The following CDH2 variants were observed in gnomAD, a reference collection of about 807,000 sequenced individuals.
CDH2 encodes the protein cadherin 2.
CDH2 carries 17 observed loss-of-function variants against 92.0 expected under a neutral mutation model. That is an observed-to-expected ratio of 0.18 (90% CI 0.13 to 0.28). The LOEUF (loss-of-function observed/expected upper bound fraction) is 0.28. CDH2 is among the 10% of genes least tolerant of loss of function. CDH2 has a pLI of 1.00. For synonymous variants in CDH2, 419 were observed against 415.9 expected, an observed-to-expected ratio of 1.01 and a Z score of -0.09; for missense variants, 862 against 1,133.1, an observed-to-expected ratio of 0.76 and a Z score of 3.44.
At chr18:28,082,043 C>T (rs769270204) in intron 2 of CDH2, among the ~76,000 whole-genome samples, 3 of 152,116 alleles carry the variant, frequency 2.0e-5, no homozygotes, top group Non-Finnish European at 2.9e-5. Context: ...TTGCTATAAA[C>T]TACTGAGAAT....
At chr18:28,115,013 T>C (rs570765509) in intron 2 of CDH2, among the ~76,000 whole-genome samples, 1 of 152,304 alleles carries the variant, frequency 6.6e-6, no homozygotes, top group African/African-American at 2.4e-5. Flanking sequence ...CAGCTAAGTG[T>C]AACAGGGGTT....
In CDH2 at chr18:28,013,945, T is replaced by A. The variant is rs545599160; in HGVS notation, c.173-36A>T. The A allele has an allele frequency of 2.3e-5, 36 of 1,534,946 alleles. No homozygotes were observed. The East Asian group carries it at 7.5e-4, about 32-fold the overall frequency. ...TAAGAAATAGGTCAGTTATTATAAT[T>A]ATACCAAAAAGGCAAAAAAAAACCC... On this transcript the variant is annotated intron_variant, in intron 2 of 15. Transcript: ENST00000269141.
chr18:27,955,858 T>A (rs760420404), intron 15 of CDH2, among the ~76,000 whole-genome samples: 21 of 150,296 alleles, frequency 1.4e-4, no homozygotes, highest in Non-Finnish European at 2.8e-4. Flanking sequence ...CCTTATGTTT[T>A]AATAATTACA....
At chr18:28,130,394 A>T (rs1368619949) in intron 2 of CDH2, among the ~76,000 whole-genome samples, 4 of 152,252 alleles carry the variant, frequency 2.6e-5, no homozygotes, top group African/African-American at 9.6e-5. Context: ...GGAATGGAAA[A>T]TGGAGTATAT....
At chr18:28,114,118 G>A (rs1260102452) in intron 2 of CDH2, among the ~76,000 whole-genome samples, 1 of 152,000 alleles carries the variant, frequency 6.6e-6, no homozygotes, top group Non-Finnish European at 1.5e-5. Context: ...TATATAGGAG[G>A]AATAAATTCT....
chr18:28,108,412 A>G (rs2015357578), intron 2 of CDH2, among the ~76,000 whole-genome samples: 1 of 151,706 alleles, frequency 6.6e-6, no homozygotes, highest in Non-Finnish European at 1.5e-5. Context: ...ACAAATACTC[A>G]AGGAAAAGAT....
chr18:28,105,404 T>C (rs1327253440), intron 2 of CDH2, among the ~76,000 whole-genome samples: 1 of 152,160 alleles, frequency 6.6e-6, no homozygotes, highest in Non-Finnish European at 1.5e-5. Flanking sequence ...GAACACAACA[T>C]AGGGATCACA....
At chr18:27,935,122 C>T (rs1432856278) in intron 6 of CDH2, among the ~76,000 whole-genome samples, 2 of 152,176 alleles carry the variant, frequency 1.3e-5, no homozygotes, top group African/African-American at 4.8e-5. Flanking sequence ...ACTTAGCCTT[C>T]CACACTCATA....
intron 2 of CDH2, among the ~76,000 whole-genome samples, chr18:28,023,949 A>G (rs1340419238): frequency 6.6e-6 from 1 of 152,154 alleles, no homozygotes; most frequent in Non-Finnish European, 1.5e-5. Context: ...GGCTGGTAAA[A>G]TAAGAAATTC....
At chr18:28,098,884 G>A (rs1453656454) in intron 2 of CDH2, among the ~76,000 whole-genome samples, 1 of 151,994 alleles carries the variant, frequency 6.6e-6, no homozygotes, top group African/African-American at 2.4e-5. Flanking sequence ...TACATTAATT[G>A]GGGGTTACAA....
chr18:28,173,312 G>C (rs910703996), intron 1 of CDH2, among the ~76,000 whole-genome samples: 1 of 151,990 alleles, frequency 6.6e-6, no homozygotes. Context: ...AGTAATGACC[G>C]CATGCCTCAA....
intron 14 of CDH2, among the ~76,000 whole-genome samples, chr18:27,970,783 T>C (rs1039672444): frequency 5.3e-5 from 8 of 152,184 alleles, no homozygotes; most frequent in Middle Eastern, 3.2e-3. Context: ...ATGTTTGGAT[T>C]TGGGGGCCAG....
intron 10 of CDH2, among the ~76,000 whole-genome samples, chr18:27,989,710 A>G (rs1348979867): frequency 6.6e-6 from 1 of 152,184 alleles, no homozygotes; most frequent in Non-Finnish European, 1.5e-5. Flanking sequence ...TTTTGGCATA[A>G]GCTTTCTTTC....
chr18:28,002,303 G>A (rs1391832347), intron 7 of CDH2, among the ~76,000 whole-genome samples: 2 of 152,192 alleles, frequency 1.3e-5, no homozygotes, highest in African/African-American at 2.4e-5. Flanking sequence ...CTGTAACACT[G>A]AGATGGCCCA....
chr18:27,944,974 A>G (rs1403563191), intron 6 of CDH2, among the ~76,000 whole-genome samples: 1 of 151,990 alleles, frequency 6.6e-6, no homozygotes, highest in East Asian at 1.9e-4. Flanking sequence ...TAAAATATAT[A>G]TTCTCAGATT....
chr18:27,965,215 T>A (rs2011505040), intron 14 of CDH2, among the ~76,000 whole-genome samples: 1 of 152,216 alleles, frequency 6.6e-6, no homozygotes, highest in South Asian at 2.1e-4. Flanking sequence ...TTTATGCTAA[T>A]TGAGATACTC....
intron 2 of CDH2, among the ~76,000 whole-genome samples, chr18:28,096,569 C>G (rs140408288): frequency 1.3e-5 from 2 of 152,000 alleles, no homozygotes; most frequent in East Asian, 3.9e-4. Flanking sequence ...CAAAAATACA[C>G]CACAAGAAAT....
At chr18:27,963,568 T>G in intron 14 of CDH2, 47 bp from the exon 15 acceptor site, 1 of 1,572,130 alleles carries the variant, frequency 6.4e-7, no homozygotes, top group Non-Finnish European at 8.7e-7. Context: ...GGCACAAAGA[T>G]AGAAAATTAC....
chr18:28,067,095 C>T (rs2014523145), intron 2 of CDH2, among the ~76,000 whole-genome samples: 1 of 152,072 alleles, frequency 6.6e-6, no homozygotes, highest in South Asian at 2.1e-4. Context: ...AAAAAACCTT[C>T]ACAAAATCTG....
Sources: allele counts gnomAD v4.1 joint callset (sites outside exome capture counted in the v4.1 genomes callset), GRCh38; gene constraint gnomAD v4.1.1; transcripts MANE v1.5; gene names NCBI Gene and HGNC (gene_info 2026-07-23, HGNC 2026-07-21).